CCDC148: variants seen among roughly 807,000 people sequenced by gnomAD.
The protein encoded by CCDC148 is coiled-coil domain containing 148, also known as coiled-coil domain-containing protein 148.
A neutral mutation model predicts 85.7 loss-of-function variants in CCDC148; 89 were observed. That is an observed-to-expected ratio of 1.04 (90% CI 0.87 to 1.24). The LOEUF (loss-of-function observed/expected upper bound fraction) is 1.24. Ranked by LOEUF, CCDC148 falls within the 50% of genes most tolerant of loss-of-function variation. CCDC148 has a pLI of 0.00. For missense variants in CCDC148, 692 were observed against 671.7 expected, an observed-to-expected ratio of 1.03 and a Z score of -0.33; for synonymous variants, 230 against 213.9, an observed-to-expected ratio of 1.08 and a Z score of -0.66.
At chr2:158,411,021 G>A (rs890347661) in intron 1 of CCDC148, among the ~76,000 whole-genome samples, 8 of 152,060 alleles carry the variant, frequency 5.3e-5, no homozygotes, top group Admixed American at 6.6e-5. Flanking sequence ...ATATACCATC[G>A]CACTTTTCTC....
At chr2:158,345,458 T>A (rs1682951108) in intron 2 of CCDC148, 140 bp from the exon 3 acceptor site, 3 of 539,020 alleles carry the variant, frequency 5.6e-6, no homozygotes, top group Admixed American at 3.7e-5. Flanking sequence ...TAACACAAAA[T>A]CTACCTAAAA....
At chr2:158,187,707 T>C (rs912417952) in intron 11 of CCDC148, among the ~76,000 whole-genome samples, 3 of 152,050 alleles carry the variant, frequency 2.0e-5, no homozygotes, top group Non-Finnish European at 4.4e-5. Context: ...TCATTCCTTT[T>C]ACCAGCTTCT....
intron 1 of CCDC148, among the ~76,000 whole-genome samples, chr2:158,456,191 C>G (rs1045351783): frequency 2.6e-5 from 4 of 152,198 alleles, no homozygotes; most frequent in African/African-American, 9.7e-5. Context: ...GACGCTTTGG[C>G]ATCTATCATA....
At chr2:158,233,266 T>C (rs747528975) in intron 10 of CCDC148, among the ~76,000 whole-genome samples, 12 of 152,128 alleles carry the variant, frequency 7.9e-5, no homozygotes, top group Non-Finnish European at 1.5e-4. Context: ...TAACAGGATG[T>C]CTTAATAGAA....
At chr2:158,237,065 G>T (rs1608037) in intron 10 of CCDC148, among the ~76,000 whole-genome samples, 45,435 of 152,014 alleles carry the variant, frequency 0.3, 8,376 homozygotes, top group East Asian at 0.59. Context: ...GTGCAGGAGT[G>T]AGTCATGCAG....
intron 11 of CCDC148, among the ~76,000 whole-genome samples, chr2:158,212,774 C>A (rs560815113): frequency 6.6e-6 from 1 of 152,084 alleles, no homozygotes; most frequent in East Asian, 1.9e-4. Context: ...AAAAATAACA[C>A]GCAAAATTTT....
intron 2 of CCDC148, among the ~76,000 whole-genome samples, chr2:158,348,254 T>C (rs986671678): frequency 2.0e-5 from 3 of 152,064 alleles, no homozygotes; most frequent in Non-Finnish European, 2.9e-5. Context: ...ACAAAATTAA[T>C]TGAACTTGAA....
intron 7 of CCDC148, among the ~76,000 whole-genome samples, chr2:158,322,604 T>A (rs1256775933): frequency 3.9e-5 from 6 of 152,046 alleles, no homozygotes; most frequent in African/African-American, 1.2e-4. Context: ...ACAAATAGAA[T>A]TATTTCTGTA....
At chr2:158,208,574 A>G (rs934925871) in intron 11 of CCDC148, among the ~76,000 whole-genome samples, 3 of 152,164 alleles carry the variant, frequency 2.0e-5, no homozygotes, top group African/African-American at 7.2e-5. Context: ...GAACAAAGGC[A>G]GTGTTGCCAG....
At chr2:158,360,868 C>T (rs1683912726) in intron 1 of CCDC148, among the ~76,000 whole-genome samples, 1 of 151,836 alleles carries the variant, frequency 6.6e-6, no homozygotes, top group Non-Finnish European at 1.5e-5. Context: ...TGGGTAATAA[C>T]AAACTCCCCC....
intron 7 of CCDC148, among the ~76,000 whole-genome samples, chr2:158,336,892 T>A (rs539775494): frequency 6.6e-6 from 1 of 152,284 alleles, no homozygotes; most frequent in African/African-American, 2.4e-5. Context: ...ATGCTAAGCA[T>A]ACCCCTTCTT....
chr2:158,449,337 T>C (rs1025073585), intron 1 of CCDC148, among the ~76,000 whole-genome samples: 1 of 152,210 alleles, frequency 6.6e-6, no homozygotes, highest in Non-Finnish European at 1.5e-5. Context: ...CTTTCCTTGT[T>C]ACACTAGCTA....
intron 1 of CCDC148, among the ~76,000 whole-genome samples, chr2:158,404,598 A>G (rs1685923503): frequency 1.3e-5 from 2 of 152,188 alleles, no homozygotes; most frequent in South Asian, 4.1e-4. Flanking sequence ...TGCTTTGAGC[A>G]TAAAACATCC....
intron 10 of CCDC148, among the ~76,000 whole-genome samples, chr2:158,228,379 C>T (rs1435704707): frequency 6.6e-6 from 1 of 152,094 alleles, no homozygotes; most frequent in East Asian, 1.9e-4. Flanking sequence ...ACTAGTTCAC[C>T]CATTATGGAA....
chr2:158,384,214 C>A (rs1684991337), intron 1 of CCDC148, among the ~76,000 whole-genome samples: 1 of 152,172 alleles, frequency 6.6e-6, no homozygotes. Flanking sequence ...AGGTACCTTT[C>A]TTCCTACTTG....
At chr2:158,378,627 C>T (rs1243165873) in intron 1 of CCDC148, among the ~76,000 whole-genome samples, 1 of 152,098 alleles carries the variant, frequency 6.6e-6, no homozygotes, top group Non-Finnish European at 1.5e-5. Flanking sequence ...GACAGGCTGA[C>T]TTTCTTGTTA....
intron 1 of CCDC148, among the ~76,000 whole-genome samples, chr2:158,425,674 A>G (rs1249220111): frequency 1.3e-5 from 2 of 152,184 alleles, no homozygotes; most frequent in South Asian, 2.1e-4. Context: ...TGCGGAGAGA[A>G]TTGATCCATA....
Position 158,309,504 on chromosome 2 carries a change from G to C in CCDC148, c.1039C>G (p.His347Asp). 6.2e-7 allele frequency: 1 copy of C among 1,614,146 alleles called. No individual in the cohort carries two copies. The highest frequency in any genetic ancestry group is 8.5e-7 in the Non-Finnish European group (1 of 1,180,012). The stretch of plus-strand genomic sequence containing the variant: ...TTAGCCAACATGCTCTCCATTTCAT[G>C]TGTTGCACAAGCCTCAGTGAGTGTC... ...VLTLTEACAT[H>D]EMESMLAKDK... Residue 347 changes from histidine to aspartate, a missense_variant, in exon 9 of 14, where the codon CAT becomes GAT. By Grantham distance (81) the His-to-Asp change is moderately conservative. Transcript: ENST00000283233.
intron 1 of CCDC148, among the ~76,000 whole-genome samples, chr2:158,368,889 A>G (rs1684312538): frequency 6.6e-6 from 1 of 152,068 alleles, no homozygotes; most frequent in Non-Finnish European, 1.5e-5. Context: ...ATAAGGAGGC[A>G]GTTTTTTTTA....
Sources: gnomAD v4.1 joint callset for allele counts (sites outside exome capture counted in the v4.1 genomes callset) on GRCh38, gnomAD v4.1.1 for gene constraint, MANE v1.5 for transcripts, NCBI Gene and HGNC (gene_info 2026-07-23, HGNC 2026-07-21) for gene names.